LSAMP: variants seen among roughly 807,000 people sequenced by gnomAD.
LSAMP encodes limbic system-associated membrane protein.
Under a neutral mutation model 38.6 loss-of-function variants are expected in LSAMP, and 7 were observed. That is an observed-to-expected ratio of 0.18 (90% CI 0.10 to 0.34). The LOEUF is 0.34. Among genes scored for constraint, LSAMP ranks in the 10% least tolerant of loss-of-function variants. The pLI, the probability that LSAMP is intolerant of heterozygous loss-of-function variation, is 1.00. For missense variants in LSAMP, 313 were observed against 420.0 expected (o/e 0.75, Z 2.23); for synonymous variants, 154 against 166.8 (o/e 0.92, Z 0.59).
chr3:116,318,937 A>G (rs139354883), intron 1 of LSAMP, among the ~76,000 whole-genome samples: 1,649 of 152,294 alleles, frequency 0.011, 28 homozygotes, highest in African/African-American at 0.033. Context: ...AGAGAATGAA[A>G]AAAATAAAAG....
rs114004186 is a variant in LSAMP, at chr3:116,263,555, A to G, written c.156-176999T>C. Among the ~76,000 whole-genome samples the G allele has an allele frequency of 2.5e-3, 383 of 150,552 alleles. 3 individuals carry two copies. Among genetic ancestry groups the G allele is most frequent in the African/African-American group, 9.0e-3 (370 of 40,940 alleles). On this transcript the variant is annotated intron_variant, in intron 1 of 6. Transcript: ENST00000490035. ...TTTGTCTCAAAAAAAAAAAAAAAAG[A>G]TGAATATTTTTATAGTAACATATAT...
At chr3:115,931,316 C>T (rs555294490) in intron 3 of LSAMP, among the ~76,000 whole-genome samples, 10 of 152,198 alleles carry the variant, frequency 6.6e-5, no homozygotes, top group Non-Finnish European at 1.3e-4. Flanking sequence ...CAGGATCCCT[C>T]ACTAACGCTT....
intron 1 of LSAMP, among the ~76,000 whole-genome samples, chr3:116,384,490 C>T (rs1040802621): frequency 1.3e-5 from 2 of 152,076 alleles, no homozygotes; most frequent in Admixed American, 6.6e-5. Flanking sequence ...CTTATGCTCA[C>T]AGAGTGAGTC....
intron 6 of LSAMP, among the ~76,000 whole-genome samples, chr3:115,823,772 T>TA (rs1272050892): frequency 1.3e-5 from 2 of 152,200 alleles, no homozygotes; most frequent in Non-Finnish European, 2.9e-5. Flanking sequence ...TACCATGTAG[T>TA]AAAGCAAAAG....
intron 1 of LSAMP, among the ~76,000 whole-genome samples, chr3:116,089,859 T>C (rs77081371): frequency 0.019 from 2,859 of 152,160 alleles, 96 homozygotes; most frequent in African/African-American, 0.066. Flanking sequence ...GGTTCCTTTT[T>C]ATGTACTCAG....
At position 116,441,051 on chromosome 3, in the gene LSAMP, C is replaced by A. The variant is rs560036838; in HGVS notation, c.155+3826G>T. On this transcript the variant is annotated intron_variant, in intron 1 of 6. Transcript: ENST00000490035. Reference sequence around the variant, plus strand: ...TCCTTTTGTTGTTTCTTCTTTTCCCCCCTTGGTGTAGAAACAAACAGGGAA... The same window carrying A: ...TCCTTTTGTTGTTTCTTCTTTTCCCACCTTGGTGTAGAAACAAACAGGGAA... 6.6e-5 allele frequency among the ~76,000 whole-genome samples: 10 copies of A among 152,194 alleles called. No individual in the cohort carries two copies. In the South Asian group the frequency reaches 1.9e-3, roughly 28 times the overall value.
At chr3:116,220,870 A>G (rs1013091789) in intron 1 of LSAMP, among the ~76,000 whole-genome samples, 8 of 152,150 alleles carry the variant, frequency 5.3e-5, no homozygotes, top group African/African-American at 1.9e-4. Context: ...GAAAAGGGGA[A>G]GCGGCTGGGC....
chr3:115,954,678 G>T (rs889101759), intron 3 of LSAMP, among the ~76,000 whole-genome samples: 1 of 152,178 alleles, frequency 6.6e-6, no homozygotes, highest in African/African-American at 2.4e-5. Flanking sequence ...ATTTTAAGAT[G>T]GCTGGCAAGG....
chr3:116,149,351 G>A (rs1559760702), intron 1 of LSAMP, among the ~76,000 whole-genome samples: 2 of 151,924 alleles, frequency 1.3e-5, no homozygotes, highest in Non-Finnish European at 2.9e-5. Flanking sequence ...AATCCAAAAG[G>A]CTTGCCCTGT....
chr3:116,286,265 G>A (rs996996164), intron 1 of LSAMP, among the ~76,000 whole-genome samples: 1 of 152,210 alleles, frequency 6.6e-6, no homozygotes, highest in Non-Finnish European at 1.5e-5. Flanking sequence ...GAGACCTCAT[G>A]TGTAAATATG....
chr3:115,966,199 A>C (rs1289927264), intron 3 of LSAMP, among the ~76,000 whole-genome samples: 2 of 152,208 alleles, frequency 1.3e-5, no homozygotes, highest in African/African-American at 4.8e-5. Flanking sequence ...ATGTGGATAC[A>C]CTGGCTGGAG....
intron 2 of LSAMP, among the ~76,000 whole-genome samples, chr3:116,068,645 A>C (rs1237230726): frequency 6.6e-6 from 1 of 152,244 alleles, no homozygotes; most frequent in Non-Finnish European, 1.5e-5. Flanking sequence ...CTTCATCTAC[A>C]CAAAGGTAGA....
rs188444049 is a variant in LSAMP, at chr3:116,392,991, G to A, written c.155+51886C>T. Among the ~76,000 whole-genome samples the A allele has an allele frequency of 3.4e-4, 51 of 152,232 alleles. 1 individual carries two copies. The highest frequency in any genetic ancestry group is 3.3e-3 in the Admixed American group (50 of 15,300). ...TGGGACACCTTGGCTATGGAGACAA[G>A]CTGCCCACTGGGGGTCTCCTCTGAG... On this transcript the variant is annotated intron_variant, in intron 1 of 6. Transcript: ENST00000490035.
At chr3:116,204,483 A>G (rs1027654410) in intron 1 of LSAMP, among the ~76,000 whole-genome samples, 9 of 151,928 alleles carry the variant, frequency 5.9e-5, no homozygotes, top group Non-Finnish European at 8.8e-5. Context: ...GCCCATGCCT[A>G]TGTCCTGAAT....
At chr3:116,176,623 G>A (rs1456606892) in intron 1 of LSAMP, among the ~76,000 whole-genome samples, 1 of 152,100 alleles carries the variant, frequency 6.6e-6, no homozygotes, top group Non-Finnish European at 1.5e-5. Context: ...CATAATGATG[G>A]GAACCATACC....
At chr3:116,210,990 C>G (rs1406704336) in intron 1 of LSAMP, among the ~76,000 whole-genome samples, 1 of 151,240 alleles carries the variant, frequency 6.6e-6, no homozygotes, top group Non-Finnish European at 1.5e-5. Flanking sequence ...CAATGGAATA[C>G]TACTCAACCT....
chr3:116,436,683 ACGC>A (rs2049354019), intron 1 of LSAMP, among the ~76,000 whole-genome samples: 1 of 152,118 alleles, frequency 6.6e-6, no homozygotes, highest in Non-Finnish European at 1.5e-5. Flanking sequence ...AACACAATAG[ACGC>A]TGGCATGGAT....
intron 1 of LSAMP, among the ~76,000 whole-genome samples, chr3:116,164,431 C>T (rs1038750202): frequency 6.7e-6 from 1 of 150,276 alleles, no homozygotes; most frequent in Admixed American, 6.6e-5. Flanking sequence ...AACATAATTG[C>T]GGTTTTTGCC....
chr3:116,256,349 G>A (rs2046751329), intron 1 of LSAMP, among the ~76,000 whole-genome samples: 1 of 152,128 alleles, frequency 6.6e-6, no homozygotes, highest in African/African-American at 2.4e-5. Flanking sequence ...ACACAAGCGT[G>A]GAAAGATAGA....
Sources: allele counts gnomAD v4.1 joint callset (sites outside exome capture counted in the v4.1 genomes callset), GRCh38; gene constraint gnomAD v4.1.1; transcripts MANE v1.5; gene names NCBI Gene and HGNC (gene_info 2026-07-23, HGNC 2026-07-21).